The following ZNF407 variants were observed in gnomAD, a reference collection of about 807,000 sequenced individuals.
The protein encoded by ZNF407 is zinc finger protein 407.
A neutral mutation model predicts 131.2 loss-of-function variants in ZNF407; 17 were observed. That is an observed-to-expected ratio of 0.13 (90% CI 0.09 to 0.19). ZNF407 has a LOEUF of 0.19. Among genes scored for constraint, ZNF407 ranks in the 10% least tolerant of loss-of-function variants. The probability of loss-of-function intolerance (pLI) is 1.00; values close to 1 mark genes in which losing one functional copy is unlikely to be tolerated. For synonymous variants in ZNF407, 1,156 were observed against 1,062.0 expected (o/e 1.09, Z -1.72); for missense variants, 2,681 against 2,830.6 (o/e 0.95, Z 1.20).
Position 75,048,180 on chromosome 18 carries a change from G to A in ZNF407, c.5429-14970G>A, listed in dbSNP as rs970536211. On this transcript the variant is annotated intron_variant, in intron 8 of 8. Coordinates refer to ENST00000299687, the MANE Select transcript of ZNF407 (RefSeq NM_017757.3). The surrounding 1 kb of genome is among the most constrained non-coding windows in gnomAD (Gnocchi z 4.1). The stretch of plus-strand genomic sequence containing the variant: ...GTCAGCAGCACCAGGCCTGTGCCTC[G>A]TCTCCCGGTGACCTGTACAGACACC... Among the ~76,000 whole-genome samples, 11 of 152,200 alleles carry A rather than the reference G, an allele frequency of 7.2e-5. No individual in the cohort carries two copies. Among genetic ancestry groups the A allele is most frequent in the African/African-American group, 2.2e-4 (9 of 41,444 alleles).
chr18:75,039,719 T>TC (rs386388211), intron 8 of ZNF407, among the ~76,000 whole-genome samples: 23 of 1,778 alleles, frequency 0.013, no homozygotes, highest in Non-Finnish European at 0.047. Context: ...GGGGCCAAGC[T>TC]TTTTTTTTTT....
intron 3 of ZNF407, among the ~76,000 whole-genome samples, chr18:74,648,909 G>A (rs1286840686): frequency 1.3e-5 from 2 of 152,088 alleles, no homozygotes; most frequent in Non-Finnish European, 2.9e-5. Context: ...TTAGTCCTGG[G>A]GTACTTGTCT....
At chr18:74,793,985 G>A (rs909427917) in intron 4 of ZNF407, among the ~76,000 whole-genome samples, 4 of 152,236 alleles carry the variant, frequency 2.6e-5, no homozygotes, top group Non-Finnish European at 4.4e-5. Context: ...CGCCGTCTGA[G>A]AAAGAAATGT....
Position 74,656,934 on chromosome 18 carries a change from T to G in ZNF407, c.4802+15812T>G, listed in dbSNP as rs181282070. Among the ~76,000 whole-genome samples, 10 of 152,364 alleles carry G rather than the reference T, an allele frequency of 6.6e-5. No homozygotes were observed. The East Asian group carries it at 1.9e-3, about 29-fold the overall frequency. The stretch of plus-strand genomic sequence containing the variant: ...AAATGCCATTGTTGTTATCCTGTAT[T>G]GCTTATTACTGTGCTTAATACTGTG... On this transcript the variant is annotated intron_variant, in intron 3 of 8. Coordinates refer to ENST00000299687, the MANE Select transcript of ZNF407 (RefSeq NM_017757.3).
At chr18:74,809,953 A>C (rs1970170579) in intron 4 of ZNF407, among the ~76,000 whole-genome samples, 1 of 152,154 alleles carries the variant, frequency 6.6e-6, no homozygotes, top group African/African-American at 2.4e-5. Context: ...TAAATGAAAG[A>C]GGAATTATGT....
chr18:74,765,815 G>C (rs72971369), intron 3 of ZNF407, among the ~76,000 whole-genome samples: 23,837 of 152,120 alleles, frequency 0.16, 2,166 homozygotes, highest in Non-Finnish European at 0.21. Flanking sequence ...CTGTCTGACA[G>C]CTGGCTCTTT....
At chr18:74,946,433 T>C (rs1297975386) in intron 8 of ZNF407, among the ~76,000 whole-genome samples, 1 of 152,232 alleles carries the variant, frequency 6.6e-6, no homozygotes, top group Non-Finnish European at 1.5e-5. Flanking sequence ...GCATGTTTGA[T>C]TTTGATTTTT....
chr18:74,921,472 T>C (rs187805796), intron 8 of ZNF407, among the ~76,000 whole-genome samples: 23 of 152,204 alleles, frequency 1.5e-4, no homozygotes, highest in Admixed American at 1.2e-3. Flanking sequence ...AGCAGCAGAG[T>C]TTGAATAAGG....
intron 3 of ZNF407, among the ~76,000 whole-genome samples, chr18:74,765,186 CTTTTGA>C (rs951209301): frequency 6.6e-6 from 1 of 151,978 alleles, no homozygotes; most frequent in Non-Finnish European, 1.5e-5. Context: ...GTGTACTTAT[CTTTTGA>C]TTATGTTTTG....
At chr18:75,043,405 A>G (rs1973396578) in intron 8 of ZNF407, among the ~76,000 whole-genome samples, 2 of 152,198 alleles carry the variant, frequency 1.3e-5, no homozygotes, top group South Asian at 4.1e-4. Context: ...TCTACATAAC[A>G]GCCTGCCAGA....
At chr18:74,714,293 G>A (rs1027465466) in intron 3 of ZNF407, among the ~76,000 whole-genome samples, 2 of 152,168 alleles carry the variant, frequency 1.3e-5, no homozygotes, top group Non-Finnish European at 2.9e-5. Context: ...GTCACAGTAT[G>A]TTTTTTGCAG....
At chr18:74,738,222 C>T (rs1196722607) in intron 3 of ZNF407, among the ~76,000 whole-genome samples, 12 of 151,746 alleles carry the variant, frequency 7.9e-5, no homozygotes, top group Non-Finnish European at 1.0e-4. Flanking sequence ...GAGATTGAGA[C>T]CATCCTGGCC....
chr18:74,601,327 GTC>G (rs1555714069), intron 1 of ZNF407, among the ~76,000 whole-genome samples: 3 of 105,070 alleles, frequency 2.9e-5, no homozygotes, highest in East Asian at 6.2e-4. Flanking sequence ...GTGTGTGTAT[GTC>G]TGTGTGTGTG....
At chr18:74,771,595 T>C (rs1057156162) in intron 3 of ZNF407, among the ~76,000 whole-genome samples, 1 of 152,062 alleles carries the variant, frequency 6.6e-6, no homozygotes, top group Non-Finnish European at 1.5e-5. Context: ...CAACAAATTA[T>C]AGTATGCCCC....
At chr18:74,798,209 AACACACACAC>A (rs35388545) in intron 4 of ZNF407, among the ~76,000 whole-genome samples, 2 of 147,836 alleles carry the variant, frequency 1.4e-5, no homozygotes, top group African/African-American at 5.0e-5. Context: ...CCTTTACACA[AACACACACAC>A]ACACACACAC....
intron 8 of ZNF407, among the ~76,000 whole-genome samples, chr18:74,945,020 G>A (rs554020883): frequency 2.0e-5 from 3 of 152,200 alleles, no homozygotes; most frequent in East Asian, 1.9e-4. Flanking sequence ...GCGACGACTC[G>A]TATGCATTTG....
At chr18:74,997,951 T>TA (rs1972798861) in intron 8 of ZNF407, among the ~76,000 whole-genome samples, 1 of 152,238 alleles carries the variant, frequency 6.6e-6, no homozygotes, top group South Asian at 2.1e-4. Context: ...CCTGATGCCT[T>TA]ACACTTGTAC....
chr18:74,931,316 C>G (rs889793161), intron 8 of ZNF407, among the ~76,000 whole-genome samples: 15 of 152,268 alleles, frequency 9.9e-5, no homozygotes, highest in South Asian at 8.3e-4. Flanking sequence ...TGGTAAGGGA[C>G]TTGTATCCAG....
intron 3 of ZNF407, among the ~76,000 whole-genome samples, chr18:74,701,436 A>G (rs1041593408): frequency 2.0e-5 from 3 of 152,272 alleles, no homozygotes; most frequent in Admixed American, 6.5e-5. Flanking sequence ...CCGACTACCT[A>G]TAAGTTTAGC....
Sources: gnomAD v4.1 joint callset for allele counts (sites outside exome capture counted in the v4.1 genomes callset) on GRCh38, gnomAD v4.1.1 for gene constraint, Gnocchi (gnomAD v3.1) non-coding constraint, MANE v1.5 for transcripts, NCBI Gene and HGNC (gene_info 2026-07-23, HGNC 2026-07-21) for gene names.